The following RIC1 variants were observed in gnomAD, a reference collection of about 807,000 sequenced individuals.
The protein encoded by RIC1 is guanine nucleotide exchange factor subunit RIC1.
Under a neutral mutation model 169.0 loss-of-function variants are expected in RIC1, and 88 were observed. That is an observed-to-expected ratio of 0.52 (90% confidence interval 0.44 to 0.62). The LOEUF (loss-of-function observed/expected upper bound fraction) is 0.62. Ranked by LOEUF, RIC1 falls within the 20% of genes least tolerant of loss-of-function variation. RIC1 has a pLI of 0.00. For synonymous variants in RIC1, 790 were observed against 601.5 expected (o/e 1.31, Z -4.59); for missense variants, 1,877 against 1,725.5 (o/e 1.09, Z -1.56).
rs554228138 is a variant in RIC1, at chr9:5,699,706, CAT to C, written c.332+9669_332+9670del. Among the ~76,000 whole-genome samples the C allele has an allele frequency of 6.1e-3, 929 of 152,152 alleles. 8 individuals are homozygous for C. Among genetic ancestry groups the C allele is most frequent in the African/African-American group, 0.019 (805 of 41,484 alleles). On this transcript the variant is annotated intron_variant, in intron 3 of 25. Coordinates refer to ENST00000414202, the MANE Select transcript of RIC1 (RefSeq NM_020829.4). ...TAAAATGTAATTGTTGGATTTTTCACATGTTAGATTTTTGCAATAATCTGAGA... is the reference window on the plus strand; with the variant it reads ...TAAAATGTAATTGTTGGATTTTTCACGTTAGATTTTTGCAATAATCTGAGA...
downstream of RIC1, among the ~76,000 whole-genome samples, chr9:5,777,086 G>C (rs1827630402): frequency 6.6e-6 from 1 of 152,020 alleles, no homozygotes; most frequent in Admixed American, 6.5e-5. Context: ...TCTCATCATA[G>C]TTTAGATTTT....
At chr9:5,641,493 T>G (rs535825458) in intron 1 of RIC1, among the ~76,000 whole-genome samples, 1 of 152,144 alleles carries the variant, frequency 6.6e-6, no homozygotes, top group East Asian at 1.9e-4. Context: ...TTCTCTCTTA[T>G]CCCTTTGAAT....
intron 1 of RIC1, among the ~76,000 whole-genome samples, chr9:5,641,096 C>CTTT (rs34921771): frequency 7.2e-6 from 1 of 138,532 alleles, no homozygotes. Flanking sequence ...AGGTAGTCTT[C>CTTT]TTTTTTTTTT....
chr9:5,745,879 A>G (rs896727734), intron 10 of RIC1, 52 bp from the exon 11 acceptor site: 14 of 1,505,792 alleles, frequency 9.3e-6, no homozygotes, highest in Admixed American at 1.8e-5. Flanking sequence ...AGAAAGGGAT[A>G]CAAAAGCCTT....
At chr9:5,661,805 A>G (rs767963968) in intron 2 of RIC1, among the ~76,000 whole-genome samples, 2 of 152,084 alleles carry the variant, frequency 1.3e-5, no homozygotes, top group Non-Finnish European at 2.9e-5. Flanking sequence ...CTCTCTTCCT[A>G]TTTGAATACC....
chr9:5,756,375 A>G lies in RIC1; in HGVS notation c.1853+3A>G. ...AGTATTGAAAGAAAATCTGATGGGT[A>G]AGTATCTGGCATATGAGAAGTCACT... On this transcript the variant is annotated splice_donor_region_variant and intron_variant, in intron 16 of 25. Coordinates refer to ENST00000414202, the MANE Select transcript of RIC1 (RefSeq NM_020829.4). The G allele has an allele frequency of 6.9e-7, 1 of 1,452,846 alleles. No homozygotes were observed. Among genetic ancestry groups the G allele is most frequent in the Non-Finnish European group, 9.2e-7 (1 of 1,086,528 alleles). 90.0% of individuals were successfully genotyped at this position (1,452,846 alleles called of 1,614,324 possible).
intron 15 of RIC1, 77 bp downstream of exon 15, chr9:5,755,007 T>C (rs1415512943): frequency 1.4e-5 from 13 of 899,964 alleles, no homozygotes; most frequent in African/African-American, 3.4e-5. Context: ...ATATAGAAAA[T>C]AGTCGATTGA....
intron 1 of RIC1, among the ~76,000 whole-genome samples, chr9:5,655,242 G>T (rs1819022744): frequency 6.6e-6 from 1 of 152,088 alleles, no homozygotes; most frequent in Non-Finnish European, 1.5e-5. Flanking sequence ...CTATTCCCGA[G>T]AGGTTTTTTT....
intron 21 of RIC1, among the ~76,000 whole-genome samples, chr9:5,768,487 C>T (rs1826954727): frequency 6.6e-6 from 1 of 152,074 alleles, no homozygotes; most frequent in South Asian, 2.1e-4. Context: ...ATGATCACAC[C>T]ACTGCACTCC....
chr9:5,689,193 C>T (rs541711946), intron 2 of RIC1, among the ~76,000 whole-genome samples: 12 of 151,758 alleles, frequency 7.9e-5, no homozygotes, highest in African/African-American at 2.2e-4. Context: ...GGATTACAGG[C>T]GCCTGCCACC....
At chr9:5,724,282 G>T (rs574946209) in intron 6 of RIC1, among the ~76,000 whole-genome samples, 10 of 152,266 alleles carry the variant, frequency 6.6e-5, no homozygotes, top group African/African-American at 2.2e-4. Flanking sequence ...CACATCCCTT[G>T]TAAGTTGGAT....
chr9:5,769,996 G>A, intron 22 of RIC1, 91 bp from the exon 23 acceptor site: 2 of 1,138,030 alleles, frequency 1.8e-6, no homozygotes, highest in South Asian at 3.1e-5. Context: ...GGGTAGGCAG[G>A]TAGGGGAAGC....
chr9:5,764,320 C>T (rs1826539119), intron 19 of RIC1, among the ~76,000 whole-genome samples: 1 of 152,134 alleles, frequency 6.6e-6, no homozygotes, highest in South Asian at 2.1e-4. Context: ...CTTATTAGAG[C>T]ATGGTCATAA....
chr9:5,734,892 A>G (rs1824606326), intron 7 of RIC1, among the ~76,000 whole-genome samples: 1 of 152,222 alleles, frequency 6.6e-6, no homozygotes, highest in Non-Finnish European at 1.5e-5. Context: ...GTTTCTAAAA[A>G]AGGAGACATT....
At position 5,720,188 on chromosome 9, in the gene RIC1, G is replaced by T. The variant is rs1315977666; in HGVS notation, c.447G>T (p.Gln149His). 2 of 1,610,874 alleles carry T rather than the reference G, an allele frequency of 1.2e-6. No homozygotes were observed. Among genetic ancestry groups the T allele is most frequent in the Admixed American group, 1.7e-5 (1 of 59,924 alleles). ...LDLQAPIMSLQSVLEDLLVAT... is the reference protein window; with the variant it reads ...LDLQAPIMSLHSVLEDLLVAT... ...TAATTGATTCTACCTACAGTTTGCAGTCTGTGTTGGAAGATCTCCTGGTTG... is the reference window on the plus strand; with the variant it reads ...TAATTGATTCTACCTACAGTTTGCATTCTGTGTTGGAAGATCTCCTGGTTG... The change falls in exon 5 of 26, where the codon CAG becomes CAT. Residue 149 changes from glutamine to histidine, a missense_variant. Physicochemically the swap from Gln to His is conservative, Grantham distance 24 (BLOSUM62 0). This residue lies in a region of RIC1 where 1,104 missense variants were observed against 992.0 expected (regional missense o/e 1.11). Transcript: ENST00000414202.
At chr9:5,677,352 T>C (rs893952648) in intron 2 of RIC1, among the ~76,000 whole-genome samples, 23 of 152,216 alleles carry the variant, frequency 1.5e-4, no homozygotes, top group African/African-American at 5.5e-4. Flanking sequence ...TTCAAATCTT[T>C]TGCCCATTTT....
chr9:5,744,061 A>C (rs1587089733), intron 10 of RIC1, among the ~76,000 whole-genome samples: 1 of 151,788 alleles, frequency 6.6e-6, no homozygotes, highest in Non-Finnish European at 1.5e-5. Flanking sequence ...TCACAAAACT[A>C]TTTTAGTCTC....
At chr9:5,755,404 A>G (rs1825946313) in intron 15 of RIC1, among the ~76,000 whole-genome samples, 1 of 152,200 alleles carries the variant, frequency 6.6e-6, no homozygotes, top group South Asian at 2.1e-4. Context: ...TTTGTAAGAG[A>G]TTAATAATGA....
intron 3 of RIC1, among the ~76,000 whole-genome samples, chr9:5,697,777 T>C (rs1176530087): frequency 6.6e-6 from 1 of 152,230 alleles, no homozygotes; most frequent in Non-Finnish European, 1.5e-5. Flanking sequence ...TCATCTCAAA[T>C]GGATTCATCC....
Sources: gnomAD v4.1 joint callset for allele counts (sites outside exome capture counted in the v4.1 genomes callset) on GRCh38, gnomAD v4.1.1 for gene constraint, gnomAD v4.1.1 regional missense constraint, MANE v1.5 for transcripts, NCBI Gene and HGNC (gene_info 2026-07-23, HGNC 2026-07-21) for gene names.